The following TTC6 variants were observed in gnomAD, a reference collection of about 807,000 sequenced individuals.
TTC6 encodes tetratricopeptide repeat domain 6.
Under a neutral mutation model 210.4 loss-of-function variants are expected in TTC6, and 172 were observed. That is an observed-to-expected ratio of 0.82 (90% CI 0.72 to 0.93). The LOEUF (loss-of-function observed/expected upper bound fraction) is 0.93, where lower values mean the gene tolerates loss of function less well. Ranked by LOEUF, TTC6 falls within the 40% of genes least tolerant of loss-of-function variation. The pLI is 0.00. For missense variants in TTC6, 2,414 were observed against 2,318.1 expected (o/e 1.04, Z -0.85); for synonymous variants, 804 against 819.6 (o/e 0.98, Z 0.32).
intron 1 of TTC6, among the ~76,000 whole-genome samples, chr14:37,661,520 T>C (rs150838119): frequency 0.057 from 8,694 of 152,242 alleles, 383 homozygotes; most frequent in Non-Finnish European, 0.089. Context: ...TTCTGTTCCA[T>C]TGGTCTATGT....
chr14:37,651,192 G>A (rs540133902), intron 1 of TTC6, among the ~76,000 whole-genome samples: 19 of 151,562 alleles, frequency 1.3e-4, no homozygotes, highest in Non-Finnish European at 2.1e-4. Flanking sequence ...TAAAATTGAG[G>A]TGAAGCTGTT....
At position 37,613,341 on chromosome 14, in the gene TTC6, T is replaced by G. The variant is rs2095637591; in HGVS notation, c.-155+6599T>G. Among the ~76,000 whole-genome samples, 3 of 152,272 alleles carry G rather than the reference T, an allele frequency of 2.0e-5. No individual in the cohort carries two copies. The South Asian group carries it at 6.2e-4, about 32-fold the overall frequency. ...TTTCAACCCTTGGATAAACTCTATT[T>G]GGTCAAAATGTATTATCCTTTTCAA... On this transcript the variant is annotated intron_variant, in intron 2 of 2. Coordinates refer to the TTC6 transcript ENST00000556845.
intron 1 of TTC6, among the ~76,000 whole-genome samples, chr14:37,634,624 T>G (rs2095676475): frequency 6.6e-6 from 1 of 152,152 alleles, no homozygotes; most frequent in Non-Finnish European, 1.5e-5. Context: ...CCTACATATA[T>G]TCAAGAAGAT....
At chr14:37,739,076 A>G (rs2095910253) in exon 10 of TTC6, 1 of 1,533,218 alleles carries the variant, frequency 6.5e-7, no homozygotes, top group Non-Finnish European at 8.7e-7. Context: ...AAAGAAGATG[A>G]GATGGAAGAA....
chr14:37,598,264 C>G lies in TTC6; in HGVS notation c.-235+2256C>G, dbSNP rs1354635935. Among the ~76,000 whole-genome samples the G allele has an allele frequency of 6.6e-6, 1 of 152,172 alleles. No homozygotes were observed. The highest frequency in any genetic ancestry group is 1.9e-4 in the East Asian group (1 of 5,164). ...ACTCGGGGCAGGGTACCCGCGAGGG[C>G]AGGCACGTGGCGGCTCCTGCGGTGT... On this transcript the variant is annotated intron_variant, in intron 1 of 2. Coordinates refer to the TTC6 transcript ENST00000556845. This position sits in a 1 kb window ranked among gnomAD's most constrained non-coding sequence, Gnocchi z 4.9.
At chr14:37,833,284 C>CA (rs1186454300) in intron 29 of TTC6, among the ~76,000 whole-genome samples, 1 of 152,018 alleles carries the variant, frequency 6.6e-6, no homozygotes, top group Non-Finnish European at 1.5e-5. Context: ...CTTTATATAT[C>CA]TGGGTGTTCA....
intron 22 of TTC6, 21 bp downstream of exon 24, chr14:37,806,531 AG>A: frequency 6.7e-7 from 1 of 1,502,252 alleles, no homozygotes; most frequent in Non-Finnish European, 8.9e-7. Flanking sequence ...AGATGTTTTT[AG>A]TGAGTTGGAA....
chr14:37,696,636 G>T, intron 3 of TTC6, 81 bp from the exon 6 acceptor site: 1 of 574,814 alleles, frequency 1.7e-6, no homozygotes, highest in Non-Finnish European at 2.7e-6. Context: ...TTAAATATTA[G>T]GTGACTCGCT....
At chr14:37,732,857 C>G (rs1003880671) in intron 7 of TTC6, among the ~76,000 whole-genome samples, 2 of 139,274 alleles carry the variant, frequency 1.4e-5, no homozygotes, top group African/African-American at 5.1e-5. Flanking sequence ...CCGCCCACCT[C>G]GGCCTCCCAA....
chr14:37,782,001 C>G (rs2096056236), intron 14 of TTC6, among the ~76,000 whole-genome samples: 1 of 152,106 alleles, frequency 6.6e-6, no homozygotes, highest in Non-Finnish European at 1.5e-5. Context: ...TGTTTTGGTA[C>G]CAGTACCATG....
At chr14:37,803,085 G>T (rs978266191) in intron 20 of TTC6, among the ~76,000 whole-genome samples, 1 of 152,036 alleles carries the variant, frequency 6.6e-6, no homozygotes, top group Non-Finnish European at 1.5e-5. Flanking sequence ...TATGGATCAT[G>T]TCTACTTTTT....
intron 2 of TTC6, 130 bp from the exon 5 acceptor site, chr14:37,682,628 C>T (rs1246125815): frequency 6.7e-6 from 5 of 744,668 alleles, no homozygotes; most frequent in Admixed American, 2.9e-5. Context: ...AGAGGAAACT[C>T]ATCACCTATG....
intron 1 of TTC6, among the ~76,000 whole-genome samples, chr14:37,677,435 G>GT (rs527391997): frequency 1.5e-4 from 22 of 151,692 alleles, no homozygotes; most frequent in African/African-American, 2.4e-4. Context: ...GCTCTAGTAG[G>GT]TTTTTTTTGT....
intron 1 of TTC6, among the ~76,000 whole-genome samples, chr14:37,640,423 C>A (rs2095689654): frequency 6.6e-6 from 1 of 152,054 alleles, no homozygotes; most frequent in Non-Finnish European, 1.5e-5. Context: ...CTTTTTCTGG[C>A]TATTTCAGGT....
intron 1 of TTC6, among the ~76,000 whole-genome samples, chr14:37,646,833 G>A (rs776118282): frequency 4.6e-5 from 7 of 152,152 alleles, no homozygotes; most frequent in African/African-American, 7.2e-5. Context: ...TAGTTGCTAC[G>A]ATTTACACAG....
intron 1 of TTC6, among the ~76,000 whole-genome samples, chr14:37,603,783 A>G (rs1296526462): frequency 6.6e-6 from 1 of 152,108 alleles, no homozygotes; most frequent in Non-Finnish European, 1.5e-5. Context: ...TCATTAGACA[A>G]ACTCCATTGG....
chr14:37,706,723 A>G (rs1221219700), intron 5 of TTC6, among the ~76,000 whole-genome samples: 2 of 152,080 alleles, frequency 1.3e-5, no homozygotes, highest in African/African-American at 4.8e-5. Flanking sequence ...AATTCAAGAA[A>G]CTGTTAATTG....
intron 1 of TTC6, among the ~76,000 whole-genome samples, chr14:37,648,714 TCA>T (rs1460459264): frequency 6.6e-6 from 1 of 152,192 alleles, no homozygotes; most frequent in Admixed American, 6.5e-5. Context: ...AAAAATTATC[TCA>T]GTTTCTTTAA....
intron 27 of TTC6, among the ~76,000 whole-genome samples, chr14:37,824,965 C>T (rs888478881): frequency 1.3e-5 from 2 of 152,050 alleles, no homozygotes; most frequent in Non-Finnish European, 2.9e-5. Flanking sequence ...GGAGAAGTGA[C>T]ATCAAATTTG....
Sources: gnomAD v4.1 joint callset for allele counts (sites outside exome capture counted in the v4.1 genomes callset) on GRCh38, gnomAD v4.1.1 for gene constraint, Gnocchi (gnomAD v3.1) non-coding constraint, MANE v1.5 for transcripts, NCBI Gene and HGNC (gene_info 2026-07-23, HGNC 2026-07-21) for gene names.